The following DNAH2 variants were observed in gnomAD, a reference collection of about 807,000 sequenced individuals.
DNAH2 encodes dynein axonemal heavy chain 2, also known as axonemal beta dynein heavy chain 2.
In DNAH2, 323 loss-of-function variants were observed where a neutral mutation model predicts 523.5. That is an observed-to-expected ratio of 0.62 (90% CI 0.56 to 0.68). DNAH2 has a LOEUF of 0.68. Among genes scored for constraint, DNAH2 ranks in the 30% least tolerant of loss-of-function variants. The probability of loss-of-function intolerance (pLI) is 0.00; values close to 1 mark genes in which losing one functional copy is unlikely to be tolerated. For synonymous variants in DNAH2, 2,093 were observed against 2,177.4 expected, an observed-to-expected ratio of 0.96 and a Z score of 1.08; for missense variants, 4,907 against 5,701.5, an observed-to-expected ratio of 0.86 and a Z score of 4.49.
intron 11 of DNAH2, among the ~76,000 whole-genome samples, chr17:7,742,573 G>T (rs1371913702): frequency 6.6e-6 from 1 of 152,220 alleles, no homozygotes; most frequent in Non-Finnish European, 1.5e-5. Context: ...GTTTGGGCCT[G>T]GTGGACTACG....
chr17:7,786,919 G>A lies in DNAH2; in HGVS notation c.6489G>A (p.Trp2163Ter), dbSNP rs766100551. The part of the protein sequence containing the change: ...ACADEKPDEK[W>*]ILFDGPVDTL... ...CAGATGAGAAACCCGACGAGAAGTG[G>A]ATCCTGTTCGATGGCCCCGTGGACA... Residue 2163 changes from tryptophan to a stop codon, truncating the protein, a stop_gained, in exon 42 of 86, where the codon TGG becomes TGA. Coordinates refer to ENST00000572933, the MANE Select transcript of DNAH2 (RefSeq NM_020877.5). LOFTEE classifies it high-confidence loss of function. The surrounding 1 kb of genome is among the most constrained non-coding windows in gnomAD (Gnocchi z 7.5). 1 of 1,614,262 alleles carries A rather than the reference G, an allele frequency of 6.2e-7. No homozygotes were observed. Among genetic ancestry groups the A allele is most frequent in the Non-Finnish European group, 8.5e-7 (1 of 1,180,040 alleles).
rs1448879205 is a variant in DNAH2 at position 7,783,694 on chromosome 17, G to A, written c.6130-2430G>A. On this transcript the variant is annotated intron_variant, in intron 39 of 85. Transcript: ENST00000572933. ...ATGCTTGTAGTCTCAGCTATTGGGAGGGCTGAGGCAGGAGGATTGTTTGAG... is the reference window on the plus strand; with the variant it reads ...ATGCTTGTAGTCTCAGCTATTGGGAAGGCTGAGGCAGGAGGATTGTTTGAG... Among the ~76,000 whole-genome samples, 3 of 151,866 alleles carry A rather than the reference G, an allele frequency of 2.0e-5. No individual in the cohort carries two copies. In the East Asian group the frequency reaches 5.8e-4, roughly 29 times the overall value.
In DNAH2 at chr17:7,739,914, C is replaced by T; in HGVS notation, c.1352C>T (p.Thr451Ile). ...GGGGGTATCCTGGATGTCAAGAACACCTGTTGGCATGAAGACTACAATAAG... is the reference window on the plus strand; with the variant it reads ...GGGGGTATCCTGGATGTCAAGAACATCTGTTGGCATGAAGACTACAATAAG... Reference protein sequence around the residue: ...VRGGILDVKNTCWHEDYNKFR... With the variant: ...VRGGILDVKNICWHEDYNKFR... Residue 451 changes from threonine (T) to isoleucine (I), a missense_variant, in exon 9 of 86, where the codon ACC (threonine) becomes ATC (isoleucine). Thr to Ile is a moderately conservative substitution (Grantham distance 89). Transcript: ENST00000572933. 1 of 1,613,912 alleles carries T rather than the reference C, an allele frequency of 6.2e-7. No individual in the cohort carries two copies. The highest frequency in any genetic ancestry group is 8.5e-7 in the Non-Finnish European group (1 of 1,179,916).
At chr17:7,759,199 T>C in intron 15 of DNAH2, 75 bp downstream of exon 15, 1 of 1,582,742 alleles carries the variant, frequency 6.3e-7, no homozygotes, top group South Asian at 1.1e-5. Context: ...ATTCTCTTGC[T>C]CCCCGACCCT....
chr17:7,762,524 T>A (rs1184388382), intron 18 of DNAH2, among the ~76,000 whole-genome samples: 1 of 151,508 alleles, frequency 6.6e-6, no homozygotes, highest in Non-Finnish European at 1.5e-5. Context: ...TTAGTAGAGA[T>A]GGGGTTTCAT....
At chr17:7,810,989 C>T (rs2077501992) in intron 63 of DNAH2, among the ~76,000 whole-genome samples, 2 of 152,152 alleles carry the variant, frequency 1.3e-5, no homozygotes, top group Admixed American at 1.3e-4. Flanking sequence ...TAGATAGGGC[C>T]CCAGAAGGCT....
At chr17:7,792,887 G>A (rs2076938547) in intron 47 of DNAH2, 32 bp downstream of exon 47, 2 of 1,605,278 alleles carry the variant, frequency 1.2e-6, no homozygotes, top group African/African-American at 1.3e-5. Flanking sequence ...CAGGCTGCCG[G>A]CTCCCTTGGG....
chr17:7,816,778 C>A, intron 64 of DNAH2, 43 bp downstream of exon 64: 1 of 1,600,364 alleles, frequency 6.2e-7, no homozygotes, highest in South Asian at 1.1e-5. Context: ...ACTCTGCTCG[C>A]CACTTCCGAG....
In DNAH2 at chr17:7,733,177, CG is replaced by C; in HGVS notation, c.494del (p.Gly165AlafsTer44). The C allele has an allele frequency of 6.2e-7, 1 of 1,614,172 alleles. No individual in the cohort carries two copies. The highest frequency in any genetic ancestry group is 8.5e-7 in the Non-Finnish European group (1 of 1,180,024). On this transcript the variant is annotated frameshift_variant, in exon 5 of 86. Transcript: ENST00000572933. LOFTEE classifies it high-confidence loss of function. ...FEATVQFGTV[R>X]GPYIPALLRL... ...GGCAACTGTGCAGTTTGGGACGGTG[CG>C]GGGCCCCTATATCCCGGCCCTGCTT...
chr17:7,813,817 A>G (rs1223169832), intron 63 of DNAH2, among the ~76,000 whole-genome samples: 7 of 151,840 alleles, frequency 4.6e-5, no homozygotes, highest in Non-Finnish European at 7.4e-5. Context: ...CTGAGGCAGG[A>G]GAATCGCTTG....
intron 12 of DNAH2, among the ~76,000 whole-genome samples, chr17:7,752,160 TACACAC>T (rs1555544463): frequency 1.6e-5 from 2 of 124,946 alleles, no homozygotes; most frequent in Admixed American, 8.3e-5. Context: ...TAAGTCATTT[TACACAC>T]ACACACACAC....
chr17:7,793,099 C>T lies in DNAH2; in HGVS notation c.7463C>T (p.Pro2488Leu), dbSNP rs2076945253. 1.9e-6 allele frequency: 3 copies of T among 1,614,080 alleles called. No individual in the cohort carries two copies. Among genetic ancestry groups the T allele is most frequent in the Non-Finnish European group, 2.5e-6 (3 of 1,180,054 alleles). ...MITFMDDLNMPAKDMFGSQPP... is the reference protein window; with the variant it reads ...MITFMDDLNMLAKDMFGSQPP... ...ACCTTTATGGATGACCTAAATATGCCCGCTAAGGACATGTTTGGGTCCCAG... is the reference window on the plus strand; with the variant it reads ...ACCTTTATGGATGACCTAAATATGCTCGCTAAGGACATGTTTGGGTCCCAG... Residue 2488 changes from proline (P) to leucine (L), a missense_variant, in exon 48 of 86, where the codon CCC becomes CTC. Pro to Leu is a moderately conservative substitution (Grantham distance 98, BLOSUM62 -3). Transcript: ENST00000572933.
chr17:7,788,433 C>T (rs570770022), intron 44 of DNAH2, among the ~76,000 whole-genome samples, 189 bp downstream of exon 44: 12 of 152,246 alleles, frequency 7.9e-5, no homozygotes, highest in Admixed American at 1.3e-4. Flanking sequence ...TGTGTGTGCA[C>T]GTGTGCATTG....
At chr17:7,721,287 C>T (rs1354405353) in intron 2 of DNAH2, among the ~76,000 whole-genome samples, 1 of 152,190 alleles carries the variant, frequency 6.6e-6, no homozygotes, top group Non-Finnish European at 1.5e-5. Context: ...GATTCTCCTG[C>T]CTCAGCCTCC....
intron 63 of DNAH2, among the ~76,000 whole-genome samples, chr17:7,811,523 A>G (rs2077516639): frequency 6.9e-6 from 1 of 145,438 alleles, no homozygotes; most frequent in Non-Finnish European, 1.5e-5. Flanking sequence ...TGGGTAATTT[A>G]TAAATAACAG....
Position 7,786,057 on chromosome 17 carries a change from A to G in DNAH2, c.6130-67A>G. 6.5e-7 allele frequency: 1 copy of G among 1,532,658 alleles called. No homozygotes were observed. Among genetic ancestry groups the G allele is most frequent in the Non-Finnish European group, 9.0e-7 (1 of 1,113,146 alleles). 94.9% of individuals were successfully genotyped at this position (1,532,658 alleles called of 1,614,324 possible). A position where few individuals can be genotyped will look rare whatever the true frequency, so the allele number is the denominator to read the frequency against. ...GAACGTATTCTCTCTGGCACCGGGG[A>G]GATTTTGAAAGCCCTTTAAAGGCCT... is the stretch of plus-strand genomic sequence containing the variant. On this transcript the variant is annotated intron_variant, in intron 39 of 85. Transcript: ENST00000572933. The surrounding 1 kb of genome is among the most constrained non-coding windows in gnomAD (Gnocchi z 7.5).
At chr17:7,741,140 C>T (rs2075302555) in intron 11 of DNAH2, 148 bp downstream of exon 11, 7 of 965,228 alleles carry the variant, frequency 7.3e-6, no homozygotes, top group South Asian at 2.3e-5. Context: ...TGAGGTCAGT[C>T]GTGGGTTAAG....
At position 7,833,587 on chromosome 17, in the gene DNAH2, G is replaced by C; in HGVS notation, c.*54G>C. On this transcript the variant is annotated 3_prime_UTR_variant, in exon 86 of 86. Coordinates refer to ENST00000572933, the MANE Select transcript of DNAH2 (RefSeq NM_020877.5). ...GAGGGTCAGGGACTCCAGGAGCTAA[G>C]ACAGATGTTGCACCTAGGACTGAGG... The C allele has an allele frequency of 6.2e-7, 1 of 1,605,198 alleles. No homozygotes were observed. Among genetic ancestry groups the C allele is most frequent in the South Asian group, 1.1e-5 (1 of 90,850 alleles).
At chr17:7,777,044 T>G (rs555520645) in intron 32 of DNAH2, among the ~76,000 whole-genome samples, 155 bp downstream of exon 32, 1 of 147,934 alleles carries the variant, frequency 6.8e-6, no homozygotes, top group African/African-American at 2.5e-5. Context: ...AATTAGCTGG[T>G]GGCACACCCA....
Sources: gnomAD v4.1 joint callset for allele counts (sites outside exome capture counted in the v4.1 genomes callset) on GRCh38, gnomAD v4.1.1 for gene constraint, Gnocchi (gnomAD v3.1) non-coding constraint, MANE v1.5 for transcripts, NCBI Gene and HGNC (gene_info 2026-07-23, HGNC 2026-07-21) for gene names.